SCAND3: variants seen among roughly 807,000 people sequenced by gnomAD.
SCAND3 encodes the protein SCAN domain-containing protein 3.
chr6:28,583,399 A>AAAC, the SCAND3 span, among the ~76,000 whole-genome samples: 9 of 143,442 alleles, frequency 6.3e-5, no homozygotes, highest in East Asian at 4.0e-4. Flanking sequence ...ACAAACAAAC[A>AAAC]AACAACAACA....
the SCAND3 span, among the ~76,000 whole-genome samples, chr6:28,614,207 A>T: frequency 1.3e-5 from 2 of 151,580 alleles, no homozygotes; most frequent in African/African-American, 4.8e-5. Context: ...CAGGTGATCC[A>T]CCCGCCTCGG....
the SCAND3 span, among the ~76,000 whole-genome samples, chr6:28,615,803 GTGTA>G: frequency 9.9e-5 from 15 of 152,054 alleles, no homozygotes. Flanking sequence ...CTGAACAAAC[GTGTA>G]TGTGTCTGCT....
At chr6:28,603,671 C>T in the SCAND3 span, among the ~76,000 whole-genome samples, 3 of 152,004 alleles carry the variant, frequency 2.0e-5, no homozygotes, top group Non-Finnish European at 2.9e-5. Context: ...GAACTCTAAT[C>T]GTATATACTT....
At chr6:28,581,319 C>G in the SCAND3 span, among the ~76,000 whole-genome samples, 1 of 152,058 alleles carries the variant, frequency 6.6e-6, no homozygotes, top group African/African-American at 2.4e-5. Flanking sequence ...GCCTGGGTGA[C>G]AGAGTGAGAT....
chr6:28,607,927 G>A, the SCAND3 span, among the ~76,000 whole-genome samples: 1 of 152,104 alleles, frequency 6.6e-6, no homozygotes, highest in Non-Finnish European at 1.5e-5. Flanking sequence ...AGGGCTTGTG[G>A]GGTGCCTGCA....
chr6:28,582,303 AGT>A, the SCAND3 span, among the ~76,000 whole-genome samples: 3 of 152,150 alleles, frequency 2.0e-5, no homozygotes, highest in South Asian at 6.2e-4. This position sits in a 1 kb window ranked among gnomAD's most constrained non-coding sequence, Gnocchi z 4.8. Context: ...AGTGTATTTT[AGT>A]GTGGCCCAAG....
chr6:28,576,801 G>A, the SCAND3 span, among the ~76,000 whole-genome samples: 6 of 149,444 alleles, frequency 4.0e-5, no homozygotes, highest in Admixed American at 2.0e-4. Flanking sequence ...TAGTAGAGAC[G>A]GGGTTTCACT....
At chr6:28,599,030 CA>C in the SCAND3 span, among the ~76,000 whole-genome samples, 5 of 150,674 alleles carry the variant, frequency 3.3e-5, no homozygotes, top group African/African-American at 4.9e-5. Context: ...ATATTAGCAC[CA>C]AAAAAAGAAA....
the SCAND3 span, among the ~76,000 whole-genome samples, chr6:28,601,254 G>A: frequency 4.6e-5 from 7 of 152,236 alleles, no homozygotes; most frequent in African/African-American, 1.7e-4. Context: ...ATATACTGAA[G>A]TATTTAAACA....
At chr6:28,597,868 G>C in the SCAND3 span, 3 of 152,148 alleles carry the variant, frequency 2.0e-5, no homozygotes, top group Non-Finnish European at 4.4e-5. Flanking sequence ...AACCGGCTCT[G>C]TGATTCCTTA....
At chr6:28,572,274 C>G in the SCAND3 span, 1 of 1,610,208 alleles carries the variant, frequency 6.2e-7, no homozygotes, top group African/African-American at 1.3e-5. This position sits in a 1 kb window ranked among gnomAD's most constrained non-coding sequence, Gnocchi z 4.1. Context: ...GATTTTGGAT[C>G]CACAAATTTC....
chr6:28,607,105 A>G, the SCAND3 span, among the ~76,000 whole-genome samples: 1 of 152,320 alleles, frequency 6.6e-6, no homozygotes, highest in African/African-American at 2.4e-5. Context: ...AATCTTTGAG[A>G]AATACTGATT....
At chr6:28,573,309 T>C in the SCAND3 span, 2 of 1,614,154 alleles carry the variant, frequency 1.2e-6, no homozygotes, top group Non-Finnish European at 1.7e-6. Flanking sequence ...CCTTCTTTGC[T>C]GCAGATTCAC....
At chr6:28,593,867 G>A in the SCAND3 span, among the ~76,000 whole-genome samples, 1 of 151,712 alleles carries the variant, frequency 6.6e-6, no homozygotes, top group African/African-American at 2.4e-5. Context: ...ACCATTCCCC[G>A]CTGATCTTTA....
the SCAND3 span, among the ~76,000 whole-genome samples, chr6:28,610,382 G>A: frequency 3.4e-4 from 52 of 152,090 alleles, no homozygotes; most frequent in Non-Finnish European, 7.1e-4. Flanking sequence ...AATTAGCTGG[G>A]TGTGGTGGCG....
chr6:28,609,551 C>A, the SCAND3 span, among the ~76,000 whole-genome samples: 3 of 152,292 alleles, frequency 2.0e-5, no homozygotes, highest in South Asian at 6.2e-4. Flanking sequence ...TATAAAACTA[C>A]AACATTTTGC....
chr6:28,602,880 A>C, the SCAND3 span, among the ~76,000 whole-genome samples: 1 of 152,106 alleles, frequency 6.6e-6, no homozygotes, highest in African/African-American at 2.4e-5. Context: ...TGAGTAAAAG[A>C]AAATATTAAA....
the SCAND3 span, chr6:28,574,591 A>G: frequency 6.8e-7 from 1 of 1,465,344 alleles, no homozygotes; most frequent in South Asian, 1.2e-5. Flanking sequence ...TTCACAGTAC[A>G]CTGTAATGAG....
At chr6:28,603,024 G>A in the SCAND3 span, among the ~76,000 whole-genome samples, 6 of 144,152 alleles carry the variant, frequency 4.2e-5, no homozygotes, top group African/African-American at 1.3e-4. Context: ...GTGCAGTGGC[G>A]CGATCTCGGC....
Sources: allele counts gnomAD v4.1 joint callset (sites outside exome capture counted in the v4.1 genomes callset), GRCh38; gene constraint gnomAD v4.1.1; non-coding constraint Gnocchi (gnomAD v3.1); transcripts MANE v1.5; gene names NCBI Gene and HGNC (gene_info 2026-07-23, HGNC 2026-07-21).